KCNMB2: variants seen among roughly 807,000 people sequenced by gnomAD.
KCNMB2 encodes calcium-activated potassium channel subunit beta-2.
KCNMB2 carries 9 observed loss-of-function variants against 24.5 expected under a neutral mutation model. The ratio of observed to expected loss-of-function variants is 0.37; its 90% CI spans 0.22 to 0.64. The LOEUF is 0.64. KCNMB2 is among the 30% of genes least tolerant of loss of function. The pLI is 0.63. For synonymous variants in KCNMB2, 109 were observed against 104.4 expected (o/e 1.04, Z -0.27); for missense variants, 226 against 284.3 (o/e 0.79, Z 1.47).
intron 1 of KCNMB2, among the ~76,000 whole-genome samples, chr3:178,618,411 T>A (rs1307509339): frequency 6.6e-6 from 1 of 152,190 alleles, no homozygotes; most frequent in African/African-American, 2.4e-5. Flanking sequence ...GCGTGCTGAA[T>A]CATCCTGCCC....
chr3:178,785,491 T>C (rs1713064933), intron 1 of KCNMB2, among the ~76,000 whole-genome samples: 1 of 151,952 alleles, frequency 6.6e-6, no homozygotes, highest in Admixed American at 6.6e-5. Context: ...ACAAATAATA[T>C]TATAAGATAC....
At chr3:178,558,676 G>A (rs1206321317) in intron 1 of KCNMB2, 1 of 151,950 alleles carries the variant, frequency 6.6e-6, no homozygotes, top group Admixed American at 6.6e-5. Context: ...GAGGAGCGTT[G>A]GTGTAAATAT....
chr3:178,812,361 A>G (rs1714227075), intron 2 of KCNMB2, among the ~76,000 whole-genome samples: 1 of 147,468 alleles, frequency 6.8e-6, no homozygotes, highest in Non-Finnish European at 1.5e-5. Flanking sequence ...AGCATTAGGT[A>G]TATCTCCTAA....
intron 1 of KCNMB2, among the ~76,000 whole-genome samples, chr3:178,784,582 T>C (rs548412425): frequency 6.3e-4 from 96 of 152,210 alleles, no homozygotes; most frequent in East Asian, 2.5e-3. Context: ...TCTGAAAGCA[T>C]AGATTTTTTT....
intron 1 of KCNMB2, among the ~76,000 whole-genome samples, chr3:178,709,101 T>G (rs1351013500): frequency 2.0e-5 from 3 of 152,084 alleles, no homozygotes; most frequent in Non-Finnish European, 4.4e-5. Flanking sequence ...ATGAAGAAAA[T>G]GAGTCTCTGC....
At chr3:178,771,950 C>A (rs1712385505) in intron 1 of KCNMB2, among the ~76,000 whole-genome samples, 1 of 152,234 alleles carries the variant, frequency 6.6e-6, no homozygotes, top group East Asian at 1.9e-4. Context: ...AGATCCCTTA[C>A]CTCCTTACCT....
At chr3:178,836,873 T>C (rs575843147) in intron 4 of KCNMB2, among the ~76,000 whole-genome samples, 2 of 152,328 alleles carry the variant, frequency 1.3e-5, no homozygotes, top group South Asian at 2.1e-4. Context: ...CAACTAAGTG[T>C]ATATCTCACT....
intron 1 of KCNMB2, among the ~76,000 whole-genome samples, chr3:178,588,642 T>C (rs1184423110): frequency 6.6e-6 from 1 of 152,162 alleles, no homozygotes; most frequent in Non-Finnish European, 1.5e-5. Flanking sequence ...CATAATATCA[T>C]ATGTATATAT....
intron 1 of KCNMB2, among the ~76,000 whole-genome samples, chr3:178,649,295 A>T (rs866592515): frequency 6.6e-6 from 1 of 152,162 alleles, no homozygotes; most frequent in African/African-American, 2.4e-5. Flanking sequence ...AAAACTAGAG[A>T]TACTCATAAA....
chr3:178,746,710 G>A (rs1723681494), intron 1 of KCNMB2, among the ~76,000 whole-genome samples: 1 of 152,168 alleles, frequency 6.6e-6, no homozygotes, highest in Non-Finnish European at 1.5e-5. Context: ...TCTTCCACCA[G>A]ATAACCTAAA....
At chr3:178,653,206 T>C (rs1436314802) in intron 1 of KCNMB2, among the ~76,000 whole-genome samples, 1 of 152,168 alleles carries the variant, frequency 6.6e-6, no homozygotes, top group Non-Finnish European at 1.5e-5. Flanking sequence ...AGGTAATTTC[T>C]ATGTAGATAG....
intron 4 of KCNMB2, among the ~76,000 whole-genome samples, chr3:178,839,384 G>C (rs990259810): frequency 6.6e-6 from 1 of 152,106 alleles, no homozygotes; most frequent in African/African-American, 2.4e-5. Flanking sequence ...GAGGAGAAAG[G>C]GAAGTGTGAA....
At chr3:178,703,331 T>C (rs1180070821) in intron 1 of KCNMB2, among the ~76,000 whole-genome samples, 1 of 152,160 alleles carries the variant, frequency 6.6e-6, no homozygotes, top group African/African-American at 2.4e-5. Context: ...TTTGCCTACA[T>C]GCTTTCCACC....
intron 1 of KCNMB2, among the ~76,000 whole-genome samples, chr3:178,570,815 G>A (rs1029343199): frequency 2.6e-5 from 4 of 151,950 alleles, no homozygotes; most frequent in African/African-American, 9.7e-5. Context: ...AATGAACTCT[G>A]GTAAGAAGAA....
intron 1 of KCNMB2, among the ~76,000 whole-genome samples, chr3:178,546,381 T>C (rs942584318): frequency 3.3e-5 from 5 of 152,238 alleles, no homozygotes; most frequent in Non-Finnish European, 5.9e-5. Flanking sequence ...CATATAAGCA[T>C]ATAAAGTTGT....
intron 1 of KCNMB2, among the ~76,000 whole-genome samples, chr3:178,700,146 T>C (rs1309922747): frequency 6.6e-6 from 1 of 152,198 alleles, no homozygotes; most frequent in Non-Finnish European, 1.5e-5. Flanking sequence ...TTTGCCTCTT[T>C]TAATTTTCAA....
chr3:178,811,475 T>G (rs1421623555), intron 2 of KCNMB2, among the ~76,000 whole-genome samples: 3 of 152,212 alleles, frequency 2.0e-5, no homozygotes, highest in African/African-American at 7.2e-5. Context: ...CATGCCATAT[T>G]TATTCTGCAA....
chr3:178,757,339 T>C (rs1294742375), intron 1 of KCNMB2, among the ~76,000 whole-genome samples: 1 of 95,312 alleles, frequency 1.0e-5, no homozygotes, highest in East Asian at 2.5e-4. Flanking sequence ...TATGTATATA[T>C]ATCCAAGAGG....
At chr3:178,813,616 C>G (rs1454159243) in intron 2 of KCNMB2, among the ~76,000 whole-genome samples, 1 of 152,140 alleles carries the variant, frequency 6.6e-6, no homozygotes, top group Admixed American at 6.6e-5. Context: ...GTGTTACACT[C>G]TTACTCTATT....
Sources: allele counts gnomAD v4.1 joint callset (sites outside exome capture counted in the v4.1 genomes callset), GRCh38; gene constraint gnomAD v4.1.1; transcripts MANE v1.5; gene names NCBI Gene and HGNC (gene_info 2026-07-23, HGNC 2026-07-21).